TBC1D32: variants seen among roughly 807,000 people sequenced by gnomAD.
TBC1D32 encodes protein broad-minded.
TBC1D32 carries 151 observed loss-of-function variants against 170.3 expected under a neutral mutation model. The observed-to-expected ratio is 0.89, with a 90% confidence interval of 0.78 to 1.01. The LOEUF is 1.01. Ranked by LOEUF, TBC1D32 falls within the 50% of genes least tolerant of loss-of-function variation. TBC1D32 has a pLI of 0.00. For missense variants in TBC1D32, 1,464 were observed against 1,457.1 expected, an observed-to-expected ratio of 1.00 and a Z score of -0.08; for synonymous variants, 498 against 488.0, an observed-to-expected ratio of 1.02 and a Z score of -0.27.
intron 15 of TBC1D32, among the ~76,000 whole-genome samples, chr6:121,267,351 G>A (rs1800671090): frequency 6.6e-6 from 1 of 152,176 alleles, no homozygotes; most frequent in African/African-American, 2.4e-5. Context: ...AAGGGGTCAG[G>A]GAATTCCCTT....
Position 121,283,863 on chromosome 6 carries a change from A to G in TBC1D32, c.1420T>C (p.Tyr474His). The change falls in exon 13 of 32, where the codon TAT becomes CAT. Residue 474 changes from tyrosine (Y) to histidine (H), a missense_variant. Tyr to His is a moderately conservative substitution (Grantham distance 83, BLOSUM62 2). This residue lies in a region of TBC1D32 where 1,363 missense variants were observed against 1,338.1 expected (regional missense o/e 1.02). Transcript: ENST00000398212. ...ATCTTTGGACAACTTGGTGAGTAAT[A>G]GATAAGTTGGGTAAAAAGAACAAGC... ...DLLVLFTQLI[Y>H]YSPSCPKMTS... 1 of 1,611,556 alleles carries G rather than the reference A, an allele frequency of 6.2e-7. No homozygotes were observed. Among genetic ancestry groups the G allele is most frequent in the Non-Finnish European group, 8.5e-7 (1 of 1,178,532 alleles).
chr6:121,321,890 C>A, intron 1 of TBC1D32, 96 bp from the exon 2 acceptor site: 1 of 1,114,000 alleles, frequency 9.0e-7, no homozygotes, highest in Non-Finnish European at 1.2e-6. Flanking sequence ...AGATTTCTTA[C>A]CTTAAACTAG....
rs572817704 is a variant in TBC1D32 at position 121,130,526 on chromosome 6, A to T, written c.2899+1101T>A. Reference sequence around the variant, plus strand: ...AAATAACTGAGGTCCAGAATTGTGGAAAGTGCCCTAAGATACCCAGATTCC... The same window carrying T: ...AAATAACTGAGGTCCAGAATTGTGGTAAGTGCCCTAAGATACCCAGATTCC... On this transcript the variant is annotated intron_variant, in intron 25 of 31. Coordinates refer to ENST00000398212, the MANE Select transcript of TBC1D32 (RefSeq NM_152730.6). Among the ~76,000 whole-genome samples the T allele has an allele frequency of 2.6e-5, 4 of 152,242 alleles. No homozygotes were observed. The South Asian group carries it at 8.3e-4, about 32-fold the overall frequency.
At chr6:121,283,371 G>T (rs1360331393) in intron 13 of TBC1D32, among the ~76,000 whole-genome samples, 1 of 151,706 alleles carries the variant, frequency 6.6e-6, no homozygotes, top group African/African-American at 2.4e-5. Flanking sequence ...AACATGAACG[G>T]TTTTTTCTTT....
At chr6:121,241,158 T>C (rs941810759) in intron 19 of TBC1D32, among the ~76,000 whole-genome samples, 3 of 152,136 alleles carry the variant, frequency 2.0e-5, no homozygotes, top group African/African-American at 7.2e-5. Context: ...ATTCTTCTGA[T>C]TTATAAGATG....
In TBC1D32 at chr6:121,292,083, G is replaced by A; in HGVS notation, c.1342C>T (p.Leu448=). 6.3e-7 allele frequency: 1 copy of A among 1,593,374 alleles called. No individual in the cohort carries two copies. The highest frequency in any genetic ancestry group is 8.5e-7 in the Non-Finnish European group (1 of 1,170,294). ...TTATTCTTCAGCTTAATAGGAAATA[G>A]TTTTCTGCCTTGTTTATAGATCAAT... ...RLLIYKQGRK[L]FPIKLKNKKG... is the part of the protein sequence containing the mutation. Residue 448 remains leucine (L), a synonymous_variant, in exon 12 of 32, where the codon CTA becomes TTA. Transcript: ENST00000398212.
At chr6:121,194,306 G>A (rs1222094775) in intron 22 of TBC1D32, among the ~76,000 whole-genome samples, 4 of 152,162 alleles carry the variant, frequency 2.6e-5, no homozygotes, top group Admixed American at 6.5e-5. Context: ...TAGGGTGAGG[G>A]CTACTATGGT....
chr6:121,294,770 ATATT>A, intron 10 of TBC1D32, 110 bp from the exon 11 acceptor site: 1 of 858,640 alleles, frequency 1.2e-6, no homozygotes, highest in South Asian at 1.4e-5. Context: ...TTTGAGAAAA[ATATT>A]TAGTACAGTA....
chr6:121,328,912 T>A (rs1810835312), intron 1 of TBC1D32, among the ~76,000 whole-genome samples: 1 of 152,206 alleles, frequency 6.6e-6, no homozygotes, highest in Non-Finnish European at 1.5e-5. Context: ...TTGGTACCAA[T>A]GACACTATTA....
At chr6:121,095,648 G>T (rs1195368408) in intron 30 of TBC1D32, among the ~76,000 whole-genome samples, 2 of 152,138 alleles carry the variant, frequency 1.3e-5, no homozygotes, top group Non-Finnish European at 2.9e-5. Flanking sequence ...ATGAAGGGGT[G>T]CTGAATTTTG....
In TBC1D32 at chr6:121,080,694, GAC is replaced by G. The variant is rs1775551073; in HGVS notation, c.*75_*76del. 1 of 1,500,014 alleles carries G rather than the reference GAC, an allele frequency of 6.7e-7. No homozygotes were observed. Among genetic ancestry groups the G allele is most frequent in the African/African-American group, 1.4e-5 (1 of 70,518 alleles). 92.9% of individuals were successfully genotyped at this position (1,500,014 alleles called of 1,614,324 possible). ...TATTCACAAAGTAAATGTTGTTACA[GAC>G]ACAGAAAAACATCAAGCCCCCCTGC... On this transcript the variant is annotated 3_prime_UTR_variant, in exon 32 of 32. Coordinates refer to ENST00000398212, the MANE Select transcript of TBC1D32 (RefSeq NM_152730.6).
rs559835518 is a variant in TBC1D32 at position 121,307,902 on chromosome 6, C to T, written c.690+74G>A. On this transcript the variant is annotated intron_variant, in intron 5 of 31. Coordinates refer to ENST00000398212, the MANE Select transcript of TBC1D32 (RefSeq NM_152730.6). ...AGAAAAGAAAAGAAAACTATCGTAACTATCATATTCTATTTATTTCCAGAA... is the reference window on the plus strand; with the variant it reads ...AGAAAAGAAAAGAAAACTATCGTAATTATCATATTCTATTTATTTCCAGAA... 4 of 1,459,582 alleles carry T rather than the reference C, an allele frequency of 2.7e-6. No individual in the cohort carries two copies. The South Asian group carries it at 3.9e-5, about 14-fold the overall frequency. The allele number at this position is 1,459,582 out of a possible 1,614,324, so 90.4% of individuals were successfully genotyped here.
At position 121,138,823 on chromosome 6, in the gene TBC1D32, C is replaced by G. The variant is rs181423721; in HGVS notation, c.2774-7071G>C. 3.2e-4 allele frequency among the ~76,000 whole-genome samples: 48 copies of G among 151,934 alleles called. No individual in the cohort carries two copies. The East Asian group carries it at 8.9e-3, about 28-fold the overall frequency. On this transcript the variant is annotated intron_variant, in intron 24 of 31. Transcript: ENST00000398212. ...ATATCTGTCATCATGTTATATTACA[C>G]TTCATATAGTACCATATTATTTTTC...
At chr6:121,257,274 G>A (rs546068949) in intron 15 of TBC1D32, among the ~76,000 whole-genome samples, 8 of 151,748 alleles carry the variant, frequency 5.3e-5, no homozygotes, top group African/African-American at 1.9e-4. Context: ...TAACTTCATA[G>A]TTGGTTGCCG....
At chr6:121,112,984 G>T (rs990479415) in intron 28 of TBC1D32, 78 bp downstream of exon 28, 1 of 1,022,168 alleles carries the variant, frequency 9.8e-7, no homozygotes, top group Non-Finnish European at 1.5e-6. Context: ...CTATAAATGT[G>T]TCAAGGTATA....
intron 31 of TBC1D32, among the ~76,000 whole-genome samples, chr6:121,089,263 T>C (rs1776561964): frequency 6.6e-6 from 1 of 152,150 alleles, no homozygotes; most frequent in East Asian, 1.9e-4. Context: ...ACAGTCCTTA[T>C]AGAGCTTACA....
chr6:121,162,071 T>C (rs1274074167), intron 22 of TBC1D32, among the ~76,000 whole-genome samples: 6 of 152,246 alleles, frequency 3.9e-5, no homozygotes, highest in Non-Finnish European at 8.8e-5. Context: ...TCCTTGTACA[T>C]GCTGGATATT....
intron 2 of TBC1D32, among the ~76,000 whole-genome samples, chr6:121,318,806 T>A (rs1199284287): frequency 6.6e-6 from 1 of 151,064 alleles, no homozygotes; most frequent in Non-Finnish European, 1.5e-5. Flanking sequence ...TATATACACG[T>A]ATTTATTATC....
chr6:121,262,006 C>G (rs1799828873), intron 15 of TBC1D32, among the ~76,000 whole-genome samples: 1 of 152,052 alleles, frequency 6.6e-6, no homozygotes, highest in African/African-American at 2.4e-5. Context: ...AATCAATAGC[C>G]AAATCAATCA....
Sources: gnomAD v4.1 joint callset for allele counts (sites outside exome capture counted in the v4.1 genomes callset) on GRCh38, gnomAD v4.1.1 for gene constraint, gnomAD v4.1.1 regional missense constraint, MANE v1.5 for transcripts, NCBI Gene and HGNC (gene_info 2026-07-23, HGNC 2026-07-21) for gene names.